The following HOTAIR variants were observed in gnomAD, a reference collection of about 807,000 sequenced individuals.
HOTAIR encodes the protein HOX transcript antisense RNA, also known as HOX transcript antisense RNA (non-protein coding).
At position 53,973,739 on chromosome 12, in the gene HOTAIR, C is replaced by T; in HGVS notation, n.59+1159G>A. On this transcript the variant is annotated intron_variant and non_coding_transcript_variant, in intron 1 of 6. Transcript: ENST00000424518. The surrounding 1 kb of genome is among the most constrained non-coding windows in gnomAD (Gnocchi z 4.3). ...CCTACTGCGGTGGCGGCGACCCGCC[C>T]GCCGAGCCCCCCTGCTCCGGCAAGG... is the stretch of plus-strand genomic sequence containing the variant. 2.5e-6 allele frequency: 4 copies of T among 1,612,900 alleles called. No individual in the cohort carries two copies. The highest frequency in any genetic ancestry group is 2.2e-5 in the East Asian group (1 of 44,850).
chr12:53,962,587 TAAATACATTG>T (rs1377643870), exon 7 of HOTAIR: 2 of 152,166 alleles, frequency 1.3e-5, no homozygotes, highest in East Asian at 3.8e-4. Context: ...GTGTGTGTAC[TAAATACATTG>T]AAATTGCATT....
At position 53,973,984 on chromosome 12, in the gene HOTAIR, G is replaced by C; in HGVS notation, n.59+914C>G. The C allele has an allele frequency of 1.5e-6, 2 of 1,369,844 alleles. No homozygotes were observed. Among genetic ancestry groups the C allele is most frequent in the South Asian group, 1.6e-5 (1 of 64,290 alleles). 84.9% of individuals were successfully genotyped at this position (1,369,844 alleles called of 1,614,324 possible). ...AGGGAGGGAGCGAGAGAGGGAGGGC[G>C]AGAGAAGGGGGGAGGCAAGGGGAGC... On this transcript the variant is annotated intron_variant and non_coding_transcript_variant, in intron 1 of 6. Transcript: ENST00000424518. This position sits in a 1 kb window ranked among gnomAD's most constrained non-coding sequence, Gnocchi z 4.3.
At chr12:53,965,106 C>G (rs900745601) in intron 5 of HOTAIR, among the ~76,000 whole-genome samples, 1 of 152,186 alleles carries the variant, frequency 6.6e-6, no homozygotes, top group Non-Finnish European at 1.5e-5. Flanking sequence ...CTTTCTCTAT[C>G]CTATTTTTAC....
chr12:53,970,729 T>C (rs1053562367), intron 1 of HOTAIR, among the ~76,000 whole-genome samples: 1 of 152,228 alleles, frequency 6.6e-6, no homozygotes, highest in South Asian at 2.1e-4. Context: ...TGTTGCCGCC[T>C]GGCTCACTTT....
At chr12:53,969,412 A>G (rs913485392) in intron 1 of HOTAIR, among the ~76,000 whole-genome samples, 4 of 152,192 alleles carry the variant, frequency 2.6e-5, no homozygotes, top group Admixed American at 2.6e-4. Flanking sequence ...CATAGGTCCC[A>G]GGAACCTCTG....
chr12:53,974,169 C>T (rs1392565858), intron 1 of HOTAIR, among the ~76,000 whole-genome samples: 10 of 152,168 alleles, frequency 6.6e-5, no homozygotes, highest in African/African-American at 1.7e-4. Context: ...TTGGAAAAGC[C>T]GGGTGAACCC....
chr12:53,964,999 T>C (rs983221197), intron 5 of HOTAIR, among the ~76,000 whole-genome samples: 1 of 152,212 alleles, frequency 6.6e-6, no homozygotes, highest in Non-Finnish European at 1.5e-5. Context: ...TCAATAATAT[T>C]ATTTTATAGC....
At chr12:53,967,168 C>T (rs1050967708) in intron 3 of HOTAIR, 5 of 152,208 alleles carry the variant, frequency 3.3e-5, no homozygotes, top group African/African-American at 9.7e-5. Flanking sequence ...ATGGGGAATT[C>T]TGGTTCAATC....
At chr12:53,964,481 A>T (rs890360829) in intron 5 of HOTAIR, among the ~76,000 whole-genome samples, 27 of 152,180 alleles carry the variant, frequency 1.8e-4, no homozygotes, top group Non-Finnish European at 3.2e-4. Context: ...GAAACAATGT[A>T]ACACTAGACA....
Position 53,973,712 on chromosome 12 carries a change from C to T in HOTAIR, n.59+1186G>A. ...AAGCCTTCGACCGTTTCTTCGACAA[C>T]GCCTACTGCGGTGGCGGCGACCCGC... On this transcript the variant is annotated intron_variant and non_coding_transcript_variant, in intron 1 of 6. Transcript: ENST00000424518. This position sits in a 1 kb window ranked among gnomAD's most constrained non-coding sequence, Gnocchi z 4.3. 1.2e-6 allele frequency: 2 copies of T among 1,613,490 alleles called. No homozygotes were observed. The highest frequency in any genetic ancestry group is 1.7e-6 in the Non-Finnish European group (2 of 1,180,020).
In HOTAIR at chr12:53,973,187, C is replaced by A; in HGVS notation, n.59+1711G>T. The A allele has an allele frequency of 2.1e-6, 3 of 1,433,480 alleles. No individual in the cohort carries two copies. The highest frequency in any genetic ancestry group is 1.9e-6 in the Non-Finnish European group (2 of 1,069,528). The allele number at this position is 1,433,480 out of a possible 1,614,324, so 88.8% of individuals were successfully genotyped here. ...TCATCTCGCCTTCCCAAATTTTCCC[C>A]CCTCGCTAGACCGGGTCCAAAACCT... On this transcript the variant is annotated intron_variant and non_coding_transcript_variant, in intron 1 of 6. Coordinates refer to ENST00000424518, the Ensembl canonical transcript of HOTAIR. This position sits in a 1 kb window ranked among gnomAD's most constrained non-coding sequence, Gnocchi z 4.3.
chr12:53,967,030 C>G (rs1295793085), intron 3 of HOTAIR, among the ~76,000 whole-genome samples: 2 of 152,182 alleles, frequency 1.3e-5, no homozygotes, highest in African/African-American at 4.8e-5. Flanking sequence ...GAGGACTTAC[C>G]TTTTTCCTGG....
chr12:53,968,911 T>G (rs1939104699), intron 1 of HOTAIR: 1 of 152,252 alleles, frequency 6.6e-6, no homozygotes, highest in South Asian at 2.1e-4. Flanking sequence ...TTTGGATTGA[T>G]TAGCTGTTTG....
At chr12:53,972,958 G>C (rs866221957) in intron 1 of HOTAIR, among the ~76,000 whole-genome samples, 2 of 151,864 alleles carry the variant, frequency 1.3e-5, no homozygotes, top group Non-Finnish European at 2.9e-5. Context: ...GGAGAGAAGG[G>C]GAGTGACGAG....
In HOTAIR at chr12:53,973,992, G is replaced by A. The variant is rs529341424; in HGVS notation, n.59+906C>T. 42 of 1,345,424 alleles carry A rather than the reference G, an allele frequency of 3.1e-5. No individual in the cohort carries two copies. In the East Asian group the frequency reaches 1.0e-3, roughly 32 times the overall value. 83.3% of individuals were successfully genotyped at this position (1,345,424 alleles called of 1,614,324 possible). ...AGCGAGAGAGGGAGGGCGAGAGAAG[G>A]GGGGAGGCAAGGGGAGCGGGGACGG... On this transcript the variant is annotated intron_variant and non_coding_transcript_variant, in intron 1 of 6. Transcript: ENST00000424518. The surrounding 1 kb of genome is among the most constrained non-coding windows in gnomAD (Gnocchi z 4.3).
At chr12:53,967,858 G>C (rs1939083546) in intron 2 of HOTAIR, 1 of 152,234 alleles carries the variant, frequency 6.6e-6, no homozygotes, top group Non-Finnish European at 1.5e-5. Flanking sequence ...GACTTGCAGA[G>C]AGTGGGGCAG....
chr12:53,973,533 G>T lies in HOTAIR; in HGVS notation n.59+1365C>A, dbSNP rs763415630. On this transcript the variant is annotated intron_variant and non_coding_transcript_variant, in intron 1 of 6. Transcript: ENST00000424518. The surrounding 1 kb of genome is among the most constrained non-coding windows in gnomAD (Gnocchi z 4.3). ...CTCCTCCTGCTATGCGGCGGCCGAC[G>T]AGCTTATGCACCGGGAGTGCCTGCC... 6.2e-7 allele frequency: 1 copy of T among 1,613,484 alleles called. No homozygotes were observed. Among genetic ancestry groups the T allele is most frequent in the Non-Finnish European group, 8.5e-7 (1 of 1,179,986 alleles).
Position 53,973,815 on chromosome 12 carries a change from C to T in HOTAIR, n.59+1083G>A, listed in dbSNP as rs556993752. Reference sequence around the variant, plus strand: ...ACCCCCGGCCTCGGGACTGGCGTCCCGGGCTGAGGCGGGTGCCGAGGCGGA... The same window carrying T: ...ACCCCCGGCCTCGGGACTGGCGTCCTGGGCTGAGGCGGGTGCCGAGGCGGA... On this transcript the variant is annotated intron_variant and non_coding_transcript_variant, in intron 1 of 6. Transcript: ENST00000424518. This position sits in a 1 kb window ranked among gnomAD's most constrained non-coding sequence, Gnocchi z 4.3. 2.6e-6 allele frequency: 4 copies of T among 1,539,856 alleles called. No homozygotes were observed. The highest frequency in any genetic ancestry group is 2.4e-5 in the South Asian group (2 of 81,640).
chr12:53,973,574 C>A lies in HOTAIR; in HGVS notation n.59+1324G>T. 6.2e-7 allele frequency: 1 copy of A among 1,613,302 alleles called. No homozygotes were observed. The highest frequency in any genetic ancestry group is 8.5e-7 in the Non-Finnish European group (1 of 1,180,020). ...AGTGCCTGCCTCCTTCCACCGTCAC[C>A]GAGATCCTCATGAAAAACGAAGGCT... On this transcript the variant is annotated intron_variant and non_coding_transcript_variant, in intron 1 of 6. Transcript: ENST00000424518. The surrounding 1 kb of genome is among the most constrained non-coding windows in gnomAD (Gnocchi z 4.3).
Sources: allele counts gnomAD v4.1 joint callset (sites outside exome capture counted in the v4.1 genomes callset), GRCh38; gene constraint gnomAD v4.1.1; non-coding constraint Gnocchi (gnomAD v3.1); transcripts MANE v1.5; gene names NCBI Gene and HGNC (gene_info 2026-07-23, HGNC 2026-07-21).